Variants in TMEM243 observed in about 807,000 individuals in gnomAD.
TMEM243 encodes transmembrane protein 243, also known as MDR1 and mitochondrial taxol resistance associated.
In TMEM243, 20 loss-of-function variants were observed where a neutral mutation model predicts 15.0. The ratio of observed to expected loss-of-function variants is 1.33; its 90% CI spans 0.94 to 1.93. The LOEUF is 1.93. Among genes scored for constraint, TMEM243 ranks in the 30% most tolerant of loss-of-function variants. The probability of loss-of-function intolerance (pLI) is 0.00; values close to 1 mark genes in which losing one functional copy is unlikely to be tolerated. For missense variants in TMEM243, 156 were observed against 142.1 expected, an observed-to-expected ratio of 1.10 and a Z score of -0.50; for synonymous variants, 72 against 52.7, an observed-to-expected ratio of 1.37 and a Z score of -1.59.
chr7:87,200,306 G>C (rs942649687), intron 1 of TMEM243, among the ~76,000 whole-genome samples: 3 of 152,194 alleles, frequency 2.0e-5, no homozygotes, highest in African/African-American at 7.2e-5. Context: ...CACGACCTCA[G>C]CTAGAGAAGC....
At chr7:87,219,877 C>G (rs892266959), upstream of TMEM243, 3 of 304,646 alleles carry the variant, frequency 9.8e-6, no homozygotes, top group Non-Finnish European at 1.8e-5. Context: ...CGCTCGCCCC[C>G]GGCTAGCACA....
At chr7:87,202,377 A>G (rs891925663) in intron 1 of TMEM243, among the ~76,000 whole-genome samples, 18 of 152,218 alleles carry the variant, frequency 1.2e-4, no homozygotes, top group African/African-American at 1.7e-4. Flanking sequence ...CAAAAAATCA[A>G]TGGGACAAAT....
chr7:87,212,118 T>A (rs991092756), intron 1 of TMEM243, among the ~76,000 whole-genome samples: 1 of 152,204 alleles, frequency 6.6e-6, no homozygotes, highest in Admixed American at 6.5e-5. Context: ...TAATAAGGAT[T>A]AGAAGAGAAT....
chr7:87,199,484 C>T (rs1323795148), intron 1 of TMEM243: 3 of 158,634 alleles, frequency 1.9e-5, no homozygotes, highest in African/African-American at 7.2e-5. Flanking sequence ...ATTTGTAATA[C>T]AGCTTAGGTA....
At position 87,198,918 on chromosome 7, in the gene TMEM243, T is replaced by C. The variant is rs147270099; in HGVS notation, c.129+89A>G. The C allele has an allele frequency of 1.4e-3, 1,667 of 1,193,550 alleles. 2 individuals carry two copies. The highest frequency in any genetic ancestry group is 1.8e-3 in the Non-Finnish European group (1,544 of 856,772). 73.9% of individuals were successfully genotyped at this position (1,193,550 alleles called of 1,614,324 possible). A position where few individuals can be genotyped will look rare whatever the true frequency, so the allele number is the denominator to read the frequency against. On this transcript the variant is annotated intron_variant, in intron 2 of 3. Transcript: ENST00000257637. Reference sequence around the variant, plus strand: ...GTGGTAATAAAATTAAAAGCACTTATTTAGCTTTTTTTGGAAAGTTAACCA... The same window carrying C: ...GTGGTAATAAAATTAAAAGCACTTACTTAGCTTTTTTTGGAAAGTTAACCA...
chr7:87,196,788 A>C (rs1387706434), intron 3 of TMEM243, 30 bp from the exon 4 acceptor site: 8 of 1,440,642 alleles, frequency 5.6e-6, no homozygotes, highest in East Asian at 4.9e-5. Flanking sequence ...TTATAAATTA[A>C]AATTTGAAAT....
chr7:87,209,845 TGAGAGC>T (rs1435938072), intron 1 of TMEM243, among the ~76,000 whole-genome samples: 4 of 95,050 alleles, frequency 4.2e-5, no homozygotes, highest in African/African-American at 8.6e-5. Context: ...AGAGAGACAG[TGAGAGC>T]GAGAGAGAGA....
At chr7:87,219,207 C>A (rs140353482) in intron 1 of TMEM243, among the ~76,000 whole-genome samples, 3 of 152,146 alleles carry the variant, frequency 2.0e-5, no homozygotes, top group African/African-American at 7.2e-5. Flanking sequence ...ACTTTCTGAA[C>A]TTTTCTCCAC....
At chr7:87,212,667 A>G (rs908507097) in intron 1 of TMEM243, among the ~76,000 whole-genome samples, 1 of 152,210 alleles carries the variant, frequency 6.6e-6, no homozygotes, top group Non-Finnish European at 1.5e-5. Flanking sequence ...TCCTGTTTTG[A>G]TATCTAGCAT....
chr7:87,204,373 C>T (rs975570133), intron 1 of TMEM243, among the ~76,000 whole-genome samples: 1 of 152,208 alleles, frequency 6.6e-6, no homozygotes, highest in Non-Finnish European at 1.5e-5. Context: ...GCCTTTGCAA[C>T]AGTCCCCCAA....
intron 1 of TMEM243, among the ~76,000 whole-genome samples, chr7:87,216,028 T>C (rs1301067491): frequency 6.6e-6 from 1 of 152,062 alleles, no homozygotes; most frequent in Admixed American, 6.5e-5. Context: ...CCCAGCACTT[T>C]GGGAGGCCGA....
chr7:87,209,784 C>CAGTGAGAGCGAGACAGAGCGAGAT (rs1562885502), intron 1 of TMEM243, among the ~76,000 whole-genome samples: 3 of 94,332 alleles, frequency 3.2e-5, no homozygotes, highest in Non-Finnish European at 6.7e-5. Flanking sequence ...CAGAGCGAGA[C>CAGTGAGAGCGAGACAGAGCGAGAT]AGTGAGAGCG....
At chr7:87,210,057 G>C (rs532554415) in intron 1 of TMEM243, among the ~76,000 whole-genome samples, 1 of 131,268 alleles carries the variant, frequency 7.6e-6, no homozygotes, top group Non-Finnish European at 1.6e-5. Context: ...GGAGGGGAAG[G>C]GGGGACAGAT....
rs190373387 is a variant in TMEM243, at chr7:87,198,210, G to A, written c.130-165C>T. ...TAATACAGTAATTATAAATATGTTC[G>A]AGTTATTTTAGTACTTCTTTTCTAA... On this transcript the variant is annotated intron_variant, in intron 2 of 3. Coordinates refer to ENST00000257637, the MANE Select transcript of TMEM243 (RefSeq NM_024315.4). The A allele has an allele frequency of 7.2e-4, 388 of 538,676 alleles. 3 individuals carry two copies. The East Asian group carries it at 0.011, about 15-fold the overall frequency. 33.4% of individuals were successfully genotyped at this position (538,676 alleles called of 1,614,324 possible). A position where few individuals can be genotyped will look rare whatever the true frequency, so the allele number is the denominator to read the frequency against.
chr7:87,205,494 T>A (rs1389011529), intron 1 of TMEM243, among the ~76,000 whole-genome samples: 1 of 152,206 alleles, frequency 6.6e-6, no homozygotes, highest in Non-Finnish European at 1.5e-5. Flanking sequence ...CTAAGTCACC[T>A]CTTGAATGCT....
intron 3 of TMEM243, chr7:87,197,721 T>TCA: frequency 1.8e-6 from 1 of 551,420 alleles, no homozygotes; most frequent in Non-Finnish European, 2.5e-6. Flanking sequence ...TTTTTTAAGC[T>TCA]ATCAAGGGAG....
At chr7:87,204,896 T>C (rs553853683) in intron 1 of TMEM243, among the ~76,000 whole-genome samples, 2 of 152,356 alleles carry the variant, frequency 1.3e-5, no homozygotes, top group East Asian at 1.9e-4. Flanking sequence ...CTTGCTGCCC[T>C]AGCAGAGGTT....
chr7:87,210,714 T>TGCAG (rs1802683576), intron 1 of TMEM243, among the ~76,000 whole-genome samples: 2 of 152,256 alleles, frequency 1.3e-5, no homozygotes, highest in African/African-American at 4.8e-5. Flanking sequence ...CCTGTGGTTC[T>TGCAG]GCAGGGTACA....
At chr7:87,204,476 T>A (rs562686392) in intron 1 of TMEM243, among the ~76,000 whole-genome samples, 22 of 152,324 alleles carry the variant, frequency 1.4e-4, no homozygotes, top group African/African-American at 4.8e-4. Flanking sequence ...ATCAAAAGCA[T>A]GTTAGTTACT....
Sources: allele counts gnomAD v4.1 joint callset (sites outside exome capture counted in the v4.1 genomes callset), GRCh38; gene constraint gnomAD v4.1.1; transcripts MANE v1.5; gene names NCBI Gene and HGNC (gene_info 2026-07-23, HGNC 2026-07-21).